CRB1: variants seen among roughly 807,000 people sequenced by gnomAD.
CRB1 encodes protein crumbs homolog 1.
In CRB1, 83 loss-of-function variants were observed where a neutral mutation model predicts 120.0. The ratio of observed to expected loss-of-function variants is 0.69; its 90% confidence interval spans 0.58 to 0.83. The LOEUF is 0.83. Ranked by LOEUF, CRB1 falls within the 40% of genes least tolerant of loss-of-function variation. The probability of loss-of-function intolerance (pLI) is 0.00; values close to 1 mark genes in which losing one functional copy is unlikely to be tolerated. For missense variants in CRB1, 1,699 were observed against 1,687.6 expected (o/e 1.01, Z -0.12); for synonymous variants, 625 against 612.5 (o/e 1.02, Z -0.30).
intron 1 of CRB1, among the ~76,000 whole-genome samples, chr1:197,274,359 G>T (rs756669423): frequency 2.0e-5 from 3 of 152,114 alleles, no homozygotes; most frequent in African/African-American, 4.8e-5. Flanking sequence ...TAGGTGAACA[G>T]TTCTCCCCCA....
At chr1:197,297,374 A>G (rs989940833) in intron 1 of CRB1, among the ~76,000 whole-genome samples, 2 of 151,952 alleles carry the variant, frequency 1.3e-5, no homozygotes, top group Admixed American at 6.6e-5. Flanking sequence ...GGTTAATTGA[A>G]TGTGTTAGGA....
chr1:197,426,720 A>G (rs1664600855), intron 6 of CRB1, among the ~76,000 whole-genome samples: 1 of 152,022 alleles, frequency 6.6e-6, no homozygotes, highest in Non-Finnish European at 1.5e-5. Flanking sequence ...CCTACTCCCA[A>G]CCAGGACCAC....
At chr1:197,446,825 T>A (rs1477559344) in intron 11 of CRB1, among the ~76,000 whole-genome samples, 1 of 152,162 alleles carries the variant, frequency 6.6e-6, no homozygotes, top group Non-Finnish European at 1.5e-5. Flanking sequence ...ATTTTTAATA[T>A]CTTTGTTGAT....
chr1:197,270,990 T>C (rs1197281374), intron 1 of CRB1, among the ~76,000 whole-genome samples: 2 of 152,096 alleles, frequency 1.3e-5, no homozygotes, highest in Non-Finnish European at 2.9e-5. Context: ...TTAAGCCTAG[T>C]TCAAGACCAG....
intron 4 of CRB1, among the ~76,000 whole-genome samples, chr1:197,354,330 C>G (rs961259236): frequency 1.3e-5 from 2 of 152,158 alleles, no homozygotes; most frequent in African/African-American, 4.8e-5. Context: ...CACAGACAGC[C>G]ATGTATAATT....
chr1:197,288,152 T>A (rs979196915), intron 1 of CRB1, among the ~76,000 whole-genome samples: 1 of 151,662 alleles, frequency 6.6e-6, no homozygotes, highest in Non-Finnish European at 1.5e-5. Flanking sequence ...CTGCAGAAGC[T>A]CCTTTTAGTA....
intron 5 of CRB1, among the ~76,000 whole-genome samples, chr1:197,395,276 A>C (rs1285061439): frequency 6.6e-6 from 1 of 152,182 alleles, no homozygotes; most frequent in Non-Finnish European, 1.5e-5. Flanking sequence ...TGAATGAAAT[A>C]ACTTTCTACA....
the CRB1 span, among the ~76,000 whole-genome samples, chr1:197,217,248 T>C: frequency 1.3e-5 from 2 of 152,114 alleles, no homozygotes; most frequent in Non-Finnish European, 2.9e-5. Context: ...GAATATACAA[T>C]GATGCACCTA....
At chr1:197,233,044 A>G in the CRB1 span, among the ~76,000 whole-genome samples, 1 of 151,992 alleles carries the variant, frequency 6.6e-6, no homozygotes, top group African/African-American at 2.4e-5. Flanking sequence ...CACAACTCCC[A>G]CTTTGGTTCT....
chr1:197,422,978 G>T (rs201958103), intron 6 of CRB1: 1 of 152,000 alleles, frequency 6.6e-6, no homozygotes, highest in Non-Finnish European at 1.5e-5. Context: ...TACAAATCAC[G>T]GACCTGTTTG....
the CRB1 span, among the ~76,000 whole-genome samples, chr1:197,262,586 G>A: frequency 6.6e-6 from 1 of 151,948 alleles, no homozygotes; most frequent in African/African-American, 2.4e-5. Context: ...ATGTTACATG[G>A]GTATATTGTG....
chr1:197,223,736 G>A, the CRB1 span, among the ~76,000 whole-genome samples: 2 of 152,082 alleles, frequency 1.3e-5, no homozygotes, highest in African/African-American at 4.8e-5. Context: ...TTTTAACTTC[G>A]AATAGCCCTA....
chr1:197,234,224 T>A, the CRB1 span, among the ~76,000 whole-genome samples: 1 of 152,238 alleles, frequency 6.6e-6, no homozygotes, highest in Non-Finnish European at 1.5e-5. Context: ...CTGAACCTAG[T>A]GACTCCATTG....
At chr1:197,202,385 A>C in the CRB1 span, among the ~76,000 whole-genome samples, 61 of 152,342 alleles carry the variant, frequency 4.0e-4, no homozygotes, top group South Asian at 0.012. Context: ...TGTGAGACTC[A>C]TCCCACAAAA....
intron 3 of CRB1, among the ~76,000 whole-genome samples, chr1:197,345,595 G>A (rs1285425533): frequency 2.2e-5 from 3 of 134,460 alleles, no homozygotes; most frequent in East Asian, 2.4e-4. Context: ...CGCAACCTCC[G>A]CCTTCCGGTT....
At chr1:197,216,444 C>T in the CRB1 span, among the ~76,000 whole-genome samples, 9 of 152,078 alleles carry the variant, frequency 5.9e-5, no homozygotes, top group Admixed American at 5.9e-4. Flanking sequence ...AGCTGGAAAT[C>T]GTCAATTATA....
chr1:197,449,449 C>T (rs1665850622), intron 11 of CRB1, among the ~76,000 whole-genome samples: 1 of 152,132 alleles, frequency 6.6e-6, no homozygotes, highest in African/African-American at 2.4e-5. Context: ...TCACTGCAAG[C>T]TCCGCCTGCC....
intron 5 of CRB1, among the ~76,000 whole-genome samples, chr1:197,405,020 TA>T (rs1663269192): frequency 2.6e-5 from 4 of 152,110 alleles, no homozygotes; most frequent in African/African-American, 7.2e-5. Flanking sequence ...TAGCAGTAGC[TA>T]TTGTTAATAA....
chr1:197,358,609 G>T (rs1558079779), intron 5 of CRB1, among the ~76,000 whole-genome samples: 1 of 152,154 alleles, frequency 6.6e-6, no homozygotes, highest in Non-Finnish European at 1.5e-5. Context: ...ATCATCAGTT[G>T]TCCTACAAAT....
Sources: gnomAD v4.1 joint callset for allele counts (sites outside exome capture counted in the v4.1 genomes callset) on GRCh38, gnomAD v4.1.1 for gene constraint, MANE v1.5 for transcripts, NCBI Gene and HGNC (gene_info 2026-07-23, HGNC 2026-07-21) for gene names.